Variants in PDE4D observed in about 807,000 individuals in gnomAD.
The protein encoded by PDE4D is phosphodiesterase 4D.
A neutral mutation model predicts 87.4 loss-of-function variants in PDE4D; 24 were observed. The observed-to-expected ratio is 0.27, with a 90% CI of 0.20 to 0.39. The LOEUF is 0.39. Ranked by LOEUF, PDE4D falls within the 10% of genes least tolerant of loss-of-function variation. PDE4D has a pLI of 1.00. For synonymous variants in PDE4D, 384 were observed against 383.2 expected, an observed-to-expected ratio of 1.00 and a Z score of -0.02; for missense variants, 714 against 1,041.0, an observed-to-expected ratio of 0.69 and a Z score of 4.32.
At chr5:59,124,251 G>C (rs1775037195) in intron 5 of PDE4D, among the ~76,000 whole-genome samples, 1 of 152,164 alleles carries the variant, frequency 6.6e-6, no homozygotes, top group South Asian at 2.1e-4. Flanking sequence ...TTTGACACGT[G>C]AGGACCAAGG....
intron 1 of PDE4D, among the ~76,000 whole-genome samples, chr5:59,637,233 A>T (rs1177883053): frequency 1.3e-5 from 2 of 152,234 alleles, no homozygotes; most frequent in East Asian, 3.8e-4. Flanking sequence ...ATCATTAAAA[A>T]GTCAGGAAAA....
intron 2 of PDE4D, among the ~76,000 whole-genome samples, chr5:60,137,561 A>G (rs891225229): frequency 6.6e-6 from 1 of 150,790 alleles, no homozygotes; most frequent in Non-Finnish European, 1.5e-5. Context: ...TTTTTTTTTC[A>G]TATGTTTGTT....
At chr5:59,734,549 T>A (rs1256164844) in intron 1 of PDE4D, among the ~76,000 whole-genome samples, 1 of 152,124 alleles carries the variant, frequency 6.6e-6, no homozygotes, top group Non-Finnish European at 1.5e-5. Flanking sequence ...TACAAAATAA[T>A]CTAATATCTC....
Position 58,991,991 on chromosome 5 carries a change from T to G in PDE4D, c.1029A>C (p.Glu343Asp), listed in dbSNP as rs753598558. 53 of 1,570,446 alleles carry G rather than the reference T, an allele frequency of 3.4e-5. No individual in the cohort carries two copies. Among genetic ancestry groups the G allele is most frequent in the Non-Finnish European group, 4.4e-5 (51 of 1,160,098 alleles). The change falls in exon 8 of 15, where the codon GAA becomes GAC. Residue 343 changes from glutamate (E) to aspartate (D), a missense_variant. Glu to Asp is a conservative substitution (Grantham distance 45). Transcript: ENST00000340635. ...TCTGAGTTGGAGAAGGAATTTCCAC[T>G]TCATGTTGCTTATCTTGAGAAATTT... The part of the protein sequence containing the change: ...ISNTFLDKQH[E>D]VEIPSPTQKE...
chr5:59,944,382 T>A (rs751975655), intron 3 of PDE4D, among the ~76,000 whole-genome samples: 23 of 151,648 alleles, frequency 1.5e-4, no homozygotes, highest in Admixed American at 1.5e-3. Flanking sequence ...TTTGTTTGTT[T>A]GTTGTTTTGA....
At chr5:59,340,715 T>C (rs1383457900) in intron 1 of PDE4D, among the ~76,000 whole-genome samples, 2 of 152,200 alleles carry the variant, frequency 1.3e-5, no homozygotes, top group Non-Finnish European at 2.9e-5. Context: ...GATAACCATC[T>C]TTCCACTCTA....
intron 1 of PDE4D, among the ~76,000 whole-genome samples, chr5:59,291,613 T>C (rs1190979647): frequency 6.6e-6 from 1 of 152,026 alleles, no homozygotes; most frequent in Admixed American, 6.6e-5. Context: ...GGATAAATGC[T>C]TGAGGTGATG....
At chr5:59,843,807 G>T (rs920086088) in intron 1 of PDE4D, among the ~76,000 whole-genome samples, 3 of 152,090 alleles carry the variant, frequency 2.0e-5, no homozygotes, top group Non-Finnish European at 2.9e-5. Flanking sequence ...GAAGGAGCTA[G>T]ATTGACAGAC....
intron 2 of PDE4D, among the ~76,000 whole-genome samples, chr5:60,114,943 T>A (rs1778016497): frequency 1.1e-5 from 1 of 92,438 alleles, no homozygotes; most frequent in South Asian, 4.4e-4. Context: ...GATAGATACA[T>A]GGATGGATGG....
chr5:59,252,219 TTGAC>T (rs1215805509), intron 1 of PDE4D, among the ~76,000 whole-genome samples: 19 of 152,194 alleles, frequency 1.2e-4, no homozygotes, highest in Non-Finnish European at 2.5e-4. Flanking sequence ...TATTTCATAT[TTGAC>T]TGTGGACAAA....
chr5:59,619,502 G>A (rs144842016), intron 1 of PDE4D, among the ~76,000 whole-genome samples: 6 of 152,146 alleles, frequency 3.9e-5, no homozygotes, highest in Admixed American at 6.6e-5. Context: ...TCAGATGATC[G>A]AGCATAGCAA....
intron 1 of PDE4D, among the ~76,000 whole-genome samples, chr5:60,264,555 T>C (rs1749988045): frequency 6.6e-6 from 1 of 152,254 alleles, no homozygotes. Context: ...TCCTTTCACA[T>C]GTACTGGGTA....
intron 1 of PDE4D, among the ~76,000 whole-genome samples, chr5:59,772,078 C>A (rs1763641087): frequency 6.6e-6 from 1 of 152,144 alleles, no homozygotes; most frequent in Non-Finnish European, 1.5e-5. Context: ...CTTGGCCAGT[C>A]CTTGAAATAA....
rs1211038228 is a variant in PDE4D, at chr5:58,972,365, C to A, written c.*2299G>T. 1 of 152,538 alleles carries A rather than the reference C, an allele frequency of 6.6e-6. No individual in the cohort carries two copies. The highest frequency in any genetic ancestry group is 1.5e-5 in the Non-Finnish European group (1 of 68,022). 9.4% of individuals were successfully genotyped at this position (152,538 alleles called of 1,614,324 possible). A position where few individuals can be genotyped will look rare whatever the true frequency, so the allele number is the denominator to read the frequency against. On this transcript the variant is annotated 3_prime_UTR_variant, in exon 15 of 15. Coordinates refer to ENST00000340635, the MANE Select transcript of PDE4D (RefSeq NM_001104631.2). ...CAGAGGAAACAGAGTAGAAACCTTG[C>A]AATTAACTAGTTGATTCCTCTTCTG...
At chr5:60,519,351 T>A (rs926765939) in intron 1 of PDE4D, among the ~76,000 whole-genome samples, 22 of 152,170 alleles carry the variant, frequency 1.4e-4, no homozygotes, top group African/African-American at 5.3e-4. Flanking sequence ...TTACAAAAAA[T>A]TTAAGAACAA....
At chr5:60,316,754 T>G (rs1755646511) in intron 1 of PDE4D, among the ~76,000 whole-genome samples, 1 of 152,176 alleles carries the variant, frequency 6.6e-6, no homozygotes, top group African/African-American at 2.4e-5. Context: ...ATCATATGGT[T>G]TTTGTCATTG....
At chr5:59,939,999 C>G (rs574635222) in intron 3 of PDE4D, among the ~76,000 whole-genome samples, 70 of 152,204 alleles carry the variant, frequency 4.6e-4, no homozygotes, top group African/African-American at 1.6e-3. Context: ...AGTCCCATAT[C>G]AAGGAATGGG....
chr5:58,976,538 G>T (rs1743845817), intron 12 of PDE4D, 66 bp from the exon 13 acceptor site: 1 of 1,216,672 alleles, frequency 8.2e-7, no homozygotes, highest in Non-Finnish European at 1.2e-6. Context: ...ATATTACGCA[G>T]AATATAAGAA....
At chr5:59,474,360 G>A (rs374700306) in intron 1 of PDE4D, among the ~76,000 whole-genome samples, 3 of 152,166 alleles carry the variant, frequency 2.0e-5, no homozygotes, top group African/African-American at 4.8e-5. Context: ...CAAAAAGTTA[G>A]GAGAATTTGG....
Sources: gnomAD v4.1 joint callset for allele counts (sites outside exome capture counted in the v4.1 genomes callset) on GRCh38, gnomAD v4.1.1 for gene constraint, MANE v1.5 for transcripts, NCBI Gene and HGNC (gene_info 2026-07-23, HGNC 2026-07-21) for gene names.